The following ARID1B variants were observed in gnomAD, a reference collection of about 807,000 sequenced individuals.
ARID1B encodes AT-rich interaction domain 1B.
ARID1B carries 30 observed loss-of-function variants against 212.3 expected under a neutral mutation model. The ratio of observed to expected loss-of-function variants is 0.14; its 90% CI spans 0.11 to 0.19. The LOEUF (loss-of-function observed/expected upper bound fraction) is 0.19, where lower values mean the gene tolerates loss of function less well. Among genes scored for constraint, ARID1B ranks in the 10% least tolerant of loss-of-function variants. The pLI is 1.00. For synonymous variants in ARID1B, 1,402 were observed against 1,301.7 expected, an observed-to-expected ratio of 1.08 and a Z score of -1.66; for missense variants, 2,891 against 3,204.0, an observed-to-expected ratio of 0.90 and a Z score of 2.36.
At chr6:156,974,606 A>G (rs551639881) in intron 4 of ARID1B, among the ~76,000 whole-genome samples, 1 of 152,366 alleles carries the variant, frequency 6.6e-6, no homozygotes, top group Non-Finnish European at 1.5e-5. Flanking sequence ...AATTCAGATA[A>G]TTAAAAATCC....
intron 17 of ARID1B, 83 bp downstream of exon 17, chr6:157,198,990 G>A (rs2128367197): frequency 8.7e-7 from 1 of 1,153,672 alleles, no homozygotes; most frequent in Non-Finnish European, 1.2e-6. Context: ...TACTTCTGAA[G>A]ATTTTCAGAC....
chr6:156,793,412 T>G (rs941358724), intron 1 of ARID1B, among the ~76,000 whole-genome samples: 2 of 152,110 alleles, frequency 1.3e-5, no homozygotes, highest in Non-Finnish European at 2.9e-5. Flanking sequence ...AGCGGTGAGG[T>G]CATGGCTCGA....
chr6:156,943,344 T>C (rs1256579498), intron 4 of ARID1B: 4 of 152,190 alleles, frequency 2.6e-5, no homozygotes, highest in East Asian at 1.9e-4. Context: ...TTTTAAAATA[T>C]AGACTGTAAT....
chr6:157,131,630 A>AC, intron 6 of ARID1B, among the ~76,000 whole-genome samples: 1 of 152,352 alleles, frequency 6.6e-6, no homozygotes, highest in Non-Finnish European at 1.5e-5. Context: ...ACGAGGTCTC[A>AC]CAGACAGGGT....
chr6:157,139,901 T>G lies in ARID1B; in HGVS notation c.2761+6694T>G, dbSNP rs189729557. ...CCATACCCAGCTAATTTTTCATATT[T>G]TTAGTAGAGGCAGGTTTTCACCATG... On this transcript the variant is annotated intron_variant, in intron 7 of 19. Transcript: ENST00000636930. Among the ~76,000 whole-genome samples the G allele has an allele frequency of 4.3e-3, 655 of 151,774 alleles. 2 individuals carry two copies. The highest frequency in any genetic ancestry group is 0.011 in the Admixed American group (162 of 15,246).
chr6:156,842,730 G>A (rs568684685), intron 2 of ARID1B, among the ~76,000 whole-genome samples: 2 of 152,240 alleles, frequency 1.3e-5, no homozygotes, highest in Non-Finnish European at 2.9e-5. Flanking sequence ...CTAGAAACAG[G>A]ATTTTATCAT....
chr6:156,936,490 C>T (rs948320145), intron 4 of ARID1B: 48 of 150,650 alleles, frequency 3.2e-4, no homozygotes, highest in Admixed American at 3.2e-3. Flanking sequence ...CTTAATTTGC[C>T]TTCTTTTATA....
At position 157,084,728 on chromosome 6, in the gene ARID1B, G is replaced by A. The variant is rs780820426; in HGVS notation, c.2314G>A (p.Ala772Thr). Reference sequence around the variant, plus strand: ...AGCAACTTTGAGCTCAGCAGTCAGTGCATCCGGGTCCACGAGCAGCCAAGG... The same window carrying A: ...AGCAACTTTGAGCTCAGCAGTCAGTACATCCGGGTCCACGAGCAGCCAAGG... ...TEATLSSAVS[A>T]SGSTSSQGDQ... The change falls in exon 5 of 20, where the codon GCA (alanine) becomes ACA (threonine). Residue 772 changes from alanine (A) to threonine (T), a missense_variant. Physicochemically the swap from Ala to Thr is moderately conservative, Grantham distance 58. Coordinates refer to ENST00000636930, the MANE Select transcript of ARID1B (RefSeq NM_001374828.1). 4.3e-6 allele frequency: 7 copies of A among 1,614,144 alleles called. No homozygotes were observed. The highest frequency in any genetic ancestry group is 5.9e-6 in the Non-Finnish European group (7 of 1,180,032).
rs1388879491 is a variant in ARID1B, at chr6:157,201,932, C to T, written c.5263+444C>T. 6.6e-6 allele frequency among the ~76,000 whole-genome samples: 1 copy of T among 152,150 alleles called. No individual in the cohort carries two copies. The highest frequency in any genetic ancestry group is 1.5e-5 in the Non-Finnish European group (1 of 68,028). ...ACCAAGCCACTTAATCACTACAATA[C>T]GTGCCTAACAGACCCCCCCATGAGG... is the stretch of plus-strand genomic sequence containing the variant. On this transcript the variant is annotated intron_variant, in intron 18 of 19. Coordinates refer to ENST00000636930, the MANE Select transcript of ARID1B (RefSeq NM_001374828.1). The surrounding 1 kb of genome is among the most constrained non-coding windows in gnomAD (Gnocchi z 5.2).
At position 157,090,584 on chromosome 6, in the gene ARID1B, C is replaced by T. The variant is rs140603723; in HGVS notation, c.2491+5679C>T. On this transcript the variant is annotated intron_variant, in intron 5 of 19. Coordinates refer to ENST00000636930, the MANE Select transcript of ARID1B (RefSeq NM_001374828.1). ...TCTTCTTGCTTGGTATTAGGTAAGA[C>T]TAATCAAAGGCAACATCATCTTAGC... 3.0e-3 allele frequency among the ~76,000 whole-genome samples: 464 copies of T among 152,312 alleles called. 4 individuals carry two copies. Among genetic ancestry groups the T allele is most frequent in the African/African-American group, 0.011 (440 of 41,570 alleles).
chr6:157,079,990 T>A (rs1784543188), intron 4 of ARID1B, among the ~76,000 whole-genome samples: 1 of 152,220 alleles, frequency 6.6e-6, no homozygotes, highest in Non-Finnish European at 1.5e-5. Context: ...ACCTGTGCTT[T>A]AAACCCATGG....
chr6:156,779,331 C>A lies in ARID1B; in HGVS notation c.1651C>A (p.Gln551Lys), dbSNP rs1583027141. The change falls in exon 1 of 20, where the codon CAG becomes AAG. Residue 551 changes from glutamine to lysine, a missense_variant. Gln to Lys is a moderately conservative substitution (Grantham distance 53, BLOSUM62 1). This residue lies in a region of ARID1B where 1,643 missense variants were observed against 1,544.0 expected (regional missense o/e 1.06). Coordinates refer to ENST00000636930, the MANE Select transcript of ARID1B (RefSeq NM_001374828.1). Reference protein sequence around the residue: ...AAAGAAAGGQQAAAGMGLGKD... With the variant: ...AAAGAAAGGQKAAAGMGLGKD... ...GGCGGGGGCGGCGGCGGGCGGCCAGCAGGCGGCCGCGGGCATGGGCTTGGG... is the reference window on the plus strand; with the variant it reads ...GGCGGGGGCGGCGGCGGGCGGCCAGAAGGCGGCCGCGGGCATGGGCTTGGG... 8.7e-7 allele frequency: 1 copy of A among 1,145,812 alleles called. No homozygotes were observed. The highest frequency in any genetic ancestry group is 4.2e-5 in the South Asian group (1 of 23,874). 71.0% of individuals were successfully genotyped at this position (1,145,812 alleles called of 1,614,324 possible). A position where few individuals can be genotyped will look rare whatever the true frequency, so the allele number is the denominator to read the frequency against.
At position 157,191,965 on chromosome 6, in the gene ARID1B, A is replaced by C. The variant is rs962869048; in HGVS notation, c.4231+1755A>C. 3.9e-5 allele frequency among the ~76,000 whole-genome samples: 6 copies of C among 152,204 alleles called. No homozygotes were observed. In the East Asian group the frequency reaches 1.2e-3, roughly 29 times the overall value. On this transcript the variant is annotated intron_variant, in intron 15 of 19. Transcript: ENST00000636930. ...AACAATGGAGAGTCTTTAAAATTTG[A>C]GTATAGGGCATATACCATTTAAAAA...
intron 5 of ARID1B, among the ~76,000 whole-genome samples, chr6:157,106,606 T>G (rs1288840889): frequency 6.6e-6 from 1 of 152,166 alleles, no homozygotes; most frequent in African/African-American, 2.4e-5. Context: ...GTCAGCTGAT[T>G]AGGGAGTTTA....
At chr6:156,832,344 TGGCTAA>T (rs1299150178) in intron 2 of ARID1B, among the ~76,000 whole-genome samples, 1 of 152,228 alleles carries the variant, frequency 6.6e-6, no homozygotes, top group East Asian at 1.9e-4. Context: ...TTAATGTAAT[TGGCTAA>T]GCATTGTTGT....
At chr6:157,045,566 T>C (rs939716937) in intron 4 of ARID1B, among the ~76,000 whole-genome samples, 20 of 152,098 alleles carry the variant, frequency 1.3e-4, no homozygotes, top group African/African-American at 4.8e-4. Context: ...CTTAGCGGGA[T>C]GTGTTTTCTA....
chr6:157,087,633 C>G (rs1232813506), intron 5 of ARID1B, among the ~76,000 whole-genome samples: 1 of 152,162 alleles, frequency 6.6e-6, no homozygotes, highest in African/African-American at 2.4e-5. Context: ...TTGATTTAGG[C>G]AGCAAGTCTT....
intron 1 of ARID1B, among the ~76,000 whole-genome samples, chr6:156,813,670 A>G (rs1004449353): frequency 3.9e-5 from 6 of 152,178 alleles, no homozygotes; most frequent in Non-Finnish European, 4.4e-5. Flanking sequence ...TTAAACTGAT[A>G]TGCATTTGAA....
intron 2 of ARID1B, among the ~76,000 whole-genome samples, chr6:156,896,823 G>C (rs1356187179): frequency 6.6e-6 from 1 of 151,494 alleles, no homozygotes; most frequent in Admixed American, 6.6e-5. Flanking sequence ...AGGTTGCAGT[G>C]AGCTGAGATC....
Sources: gnomAD v4.1 joint callset for allele counts (sites outside exome capture counted in the v4.1 genomes callset) on GRCh38, gnomAD v4.1.1 for gene constraint, gnomAD v4.1.1 regional missense constraint, Gnocchi (gnomAD v3.1) non-coding constraint, MANE v1.5 for transcripts, NCBI Gene and HGNC (gene_info 2026-07-23, HGNC 2026-07-21) for gene names.